The following PRKG1 variants were observed in gnomAD, a reference collection of about 807,000 sequenced individuals.
PRKG1 encodes the protein cGMP-dependent protein kinase 1.
PRKG1 carries 35 observed loss-of-function variants against 88.1 expected under a neutral mutation model. The ratio of observed to expected loss-of-function variants is 0.40; its 90% CI spans 0.30 to 0.53. The LOEUF (loss-of-function observed/expected upper bound fraction) is 0.53. Among genes scored for constraint, PRKG1 ranks in the 20% least tolerant of loss-of-function variants. PRKG1 has a pLI of 0.59. For synonymous variants in PRKG1, 303 were observed against 292.5 expected, an observed-to-expected ratio of 1.04 and a Z score of -0.37; for missense variants, 540 against 839.8, an observed-to-expected ratio of 0.64 and a Z score of 4.41.
chr10:51,134,015 A>G (rs1312644155), intron 1 of PRKG1, among the ~76,000 whole-genome samples: 1 of 152,210 alleles, frequency 6.6e-6, no homozygotes, highest in African/African-American at 2.4e-5. Flanking sequence ...AAGTTAACTT[A>G]TAAGAAAGCA....
intron 3 of PRKG1, among the ~76,000 whole-genome samples, chr10:51,623,068 A>G (rs1440684134): frequency 6.6e-6 from 1 of 152,222 alleles, no homozygotes; most frequent in East Asian, 1.9e-4. Context: ...TTACATGTGA[A>G]CATTTACAAA....
intron 7 of PRKG1, among the ~76,000 whole-genome samples, chr10:52,115,783 G>A (rs1189556783): frequency 6.6e-6 from 1 of 152,090 alleles, no homozygotes; most frequent in African/African-American, 2.4e-5. Flanking sequence ...TGTATACCCA[G>A]CAACTTGGAC....
intron 2 of PRKG1, among the ~76,000 whole-genome samples, chr10:51,373,545 T>C (rs1318613550): frequency 6.6e-6 from 1 of 152,178 alleles, no homozygotes; most frequent in Non-Finnish European, 1.5e-5. Context: ...GTTACCTAGA[T>C]ATTACGCCTG....
intron 1 of PRKG1, among the ~76,000 whole-genome samples, chr10:51,113,093 T>C (rs1845016880): frequency 6.6e-6 from 1 of 152,198 alleles, no homozygotes; most frequent in African/African-American, 2.4e-5. Context: ...CATTTTCTCA[T>C]AAACTACCAG....
At chr10:52,042,670 T>G (rs567840999) in intron 5 of PRKG1, among the ~76,000 whole-genome samples, 1 of 152,100 alleles carries the variant, frequency 6.6e-6, no homozygotes, top group Non-Finnish European at 1.5e-5. Context: ...TGGGCAATAA[T>G]TTTTTAGTAA....
At position 52,135,954 on chromosome 10, in the gene PRKG1, A is replaced by G. The variant is rs917711500; in HGVS notation, c.1001+2049A>G. 8.5e-5 allele frequency among the ~76,000 whole-genome samples: 13 copies of G among 152,172 alleles called. No homozygotes were observed. In the South Asian group the frequency reaches 2.7e-3, roughly 32 times the overall value. ...TTTAAGCATTAGGGAAAGTAAAACC[A>G]GTGAAGAATAATGAGATGTTAGAAA... On this transcript the variant is annotated intron_variant, in intron 8 of 17. Transcript: ENST00000373980.
intron 7 of PRKG1, among the ~76,000 whole-genome samples, chr10:52,114,177 G>T (rs1847632749): frequency 6.6e-6 from 1 of 152,034 alleles, no homozygotes; most frequent in Admixed American, 6.6e-5. Flanking sequence ...AATACCCTTT[G>T]ATCACAGCCT....
At chr10:52,060,119 G>A (rs1846203120) in intron 6 of PRKG1, among the ~76,000 whole-genome samples, 1 of 151,776 alleles carries the variant, frequency 6.6e-6, no homozygotes, top group Non-Finnish European at 1.5e-5. Context: ...AGAATGGTGA[G>A]CCCAGATAAA....
At chr10:52,107,782 A>G (rs977869163) in intron 7 of PRKG1, among the ~76,000 whole-genome samples, 1 of 152,158 alleles carries the variant, frequency 6.6e-6, no homozygotes, top group African/African-American at 2.4e-5. Flanking sequence ...TCGCTTTCCA[A>G]TGTTGCCTTT....
chr10:51,418,315 C>G (rs1259707720), intron 2 of PRKG1, among the ~76,000 whole-genome samples: 1 of 152,140 alleles, frequency 6.6e-6, no homozygotes, highest in Non-Finnish European at 1.5e-5. Flanking sequence ...CCCTTCTAGT[C>G]CCTAACTGAA....
At chr10:51,941,096 G>A (rs1410769030) in intron 5 of PRKG1, among the ~76,000 whole-genome samples, 1 of 151,734 alleles carries the variant, frequency 6.6e-6, no homozygotes, top group Non-Finnish European at 1.5e-5. Context: ...ATCCTAATTT[G>A]AGGAACAATA....
chr10:51,014,472 T>C (rs1333850888), intron 1 of PRKG1, among the ~76,000 whole-genome samples: 1 of 152,176 alleles, frequency 6.6e-6, no homozygotes, highest in Non-Finnish European at 1.5e-5. Context: ...CTAACGATAG[T>C]AATAAAATCC....
intron 3 of PRKG1, among the ~76,000 whole-genome samples, chr10:51,722,888 A>T (rs763742812): frequency 1.3e-5 from 2 of 152,198 alleles, no homozygotes; most frequent in African/African-American, 2.4e-5. Context: ...TTCATAATCC[A>T]TGTAAAATAA....
At position 51,267,863 on chromosome 10, in the gene PRKG1, T is replaced by A. The variant is rs10761985; in HGVS notation, c.478+114533T>A. 1.9e-3 allele frequency among the ~76,000 whole-genome samples: 291 copies of A among 151,996 alleles called. 2 individuals are homozygous for A. Among genetic ancestry groups the A allele is most frequent in the South Asian group, 0.012 (58 of 4,818 alleles). On this transcript the variant is annotated intron_variant, in intron 2 of 17. Transcript: ENST00000373980. ...AATAATCGTCAGACAACACACAGAG[T>A]GGGAGAAAATATTTGCAAACTATGC...
intron 4 of PRKG1, among the ~76,000 whole-genome samples, chr10:51,816,069 T>C (rs1839576684): frequency 6.6e-6 from 1 of 152,188 alleles, no homozygotes; most frequent in African/African-American, 2.4e-5. Context: ...GACAGCTCCT[T>C]TAAGAAAGTT....
chr10:52,140,889 T>C (rs1200340463), intron 8 of PRKG1, among the ~76,000 whole-genome samples: 1 of 152,180 alleles, frequency 6.6e-6, no homozygotes, highest in Non-Finnish European at 1.5e-5. Context: ...ATGATAGGAC[T>C]GTATGAACTC....
At chr10:52,283,079 A>G (rs909470003) in intron 14 of PRKG1, among the ~76,000 whole-genome samples, 3 of 152,130 alleles carry the variant, frequency 2.0e-5, no homozygotes, top group Admixed American at 6.6e-5. Flanking sequence ...TAAAAAAAAC[A>G]GGAACAGTCA....
intron 1 of PRKG1, among the ~76,000 whole-genome samples, chr10:51,078,785 T>A (rs1475579847): frequency 2.0e-5 from 3 of 151,602 alleles, no homozygotes; most frequent in African/African-American, 7.3e-5. Flanking sequence ...CCCGGCTAAT[T>A]TTTTTGTATT....
chr10:51,621,358 T>G (rs1244069247), intron 3 of PRKG1, among the ~76,000 whole-genome samples: 1 of 152,090 alleles, frequency 6.6e-6, no homozygotes, highest in South Asian at 2.1e-4. Flanking sequence ...CTCAAAACTT[T>G]TGCTTTGTGA....
Sources: gnomAD v4.1 joint callset for allele counts (sites outside exome capture counted in the v4.1 genomes callset) on GRCh38, gnomAD v4.1.1 for gene constraint, MANE v1.5 for transcripts, NCBI Gene and HGNC (gene_info 2026-07-23, HGNC 2026-07-21) for gene names.